Variants in PCDHA7 observed in about 807,000 individuals in gnomAD.
PCDHA7 encodes the protein protocadherin alpha 7.
A neutral mutation model predicts 57.2 loss-of-function variants in PCDHA7; 37 were observed. The observed-to-expected ratio is 0.65, with a 90% CI of 0.50 to 0.85. The LOEUF (loss-of-function observed/expected upper bound fraction) is 0.85. Ranked by LOEUF, PCDHA7 falls within the 40% of genes least tolerant of loss-of-function variation. The pLI, the probability that PCDHA7 is intolerant of heterozygous loss-of-function variation, is 0.00. For synonymous variants in PCDHA7, 553 were observed against 558.8 expected (o/e 0.99, Z 0.15); for missense variants, 1,188 against 1,241.8 (o/e 0.96, Z 0.65).
At chr5:140,971,958 C>G (rs2096508715) in intron 1 of PCDHA7, among the ~76,000 whole-genome samples, 1 of 152,054 alleles carries the variant, frequency 6.6e-6, no homozygotes, top group Non-Finnish European at 1.5e-5. Context: ...ACTCCAAAAA[C>G]TTTTTTTCAA....
At chr5:140,885,179 C>T (rs972760379) in intron 1 of PCDHA7, among the ~76,000 whole-genome samples, 37 of 152,232 alleles carry the variant, frequency 2.4e-4, no homozygotes, top group African/African-American at 8.9e-4. Flanking sequence ...CCTCTAGGCA[C>T]ATCAGTGTTC....
chr5:140,906,720 G>A (rs2072884338), intron 1 of PCDHA7, among the ~76,000 whole-genome samples: 1 of 152,182 alleles, frequency 6.6e-6, no homozygotes, highest in African/African-American at 2.4e-5. Context: ...CCTGGATTGT[G>A]CTGTTGTAGT....
intron 1 of PCDHA7, among the ~76,000 whole-genome samples, chr5:140,890,883 G>T (rs1339331273): frequency 1.3e-5 from 2 of 152,064 alleles, no homozygotes; most frequent in Non-Finnish European, 2.9e-5. Flanking sequence ...CCTTTCATCA[G>T]GGATTATTGT....
At chr5:140,991,214 A>G (rs922136535) in intron 3 of PCDHA7, among the ~76,000 whole-genome samples, 4 of 152,202 alleles carry the variant, frequency 2.6e-5, no homozygotes, top group Non-Finnish European at 4.4e-5. Context: ...AATTTTGTTA[A>G]ATTCATTAAT....
intron 1 of PCDHA7, chr5:140,876,776 T>C: frequency 1.2e-6 from 2 of 1,614,212 alleles, no homozygotes; most frequent in Non-Finnish European, 1.7e-6. Context: ...TCGCCTTCGC[T>C]GTGGGCCACG....
At chr5:140,935,374 T>A (rs2090335210) in intron 1 of PCDHA7, among the ~76,000 whole-genome samples, 1 of 152,248 alleles carries the variant, frequency 6.6e-6, no homozygotes. Flanking sequence ...GTCAACAGAA[T>A]TACTCATTTG....
intron 1 of PCDHA7, chr5:140,851,117 T>G: frequency 7.7e-7 from 1 of 1,306,460 alleles, no homozygotes; most frequent in Non-Finnish European, 9.9e-7. Flanking sequence ...TGAATCAATT[T>G]TATTTAAATT....
intron 1 of PCDHA7, among the ~76,000 whole-genome samples, chr5:140,937,247 C>T (rs1370735573): frequency 6.6e-6 from 1 of 151,974 alleles, no homozygotes; most frequent in Non-Finnish European, 1.5e-5. Context: ...CCGTGTTAGC[C>T]AGGATGGTCT....
intron 1 of PCDHA7, chr5:140,862,170 GC>G (rs2047237372): frequency 6.1e-6 from 1 of 164,918 alleles, no homozygotes; most frequent in Non-Finnish European, 1.3e-5. Flanking sequence ...TCAAATACAG[GC>G]AGTTGACACA....
intron 1 of PCDHA7, chr5:140,851,333 T>C: frequency 5.1e-6 from 5 of 974,938 alleles, no homozygotes; most frequent in Non-Finnish European, 6.3e-6. Flanking sequence ...TTTGTAGTTC[T>C]CTACATTTCT....
At chr5:140,980,713 C>T (rs1034858406) in intron 2 of PCDHA7, among the ~76,000 whole-genome samples, 2 of 151,366 alleles carry the variant, frequency 1.3e-5, no homozygotes, top group Non-Finnish European at 2.9e-5. Flanking sequence ...TGCTCCTATT[C>T]GGGTTTCAAT....
At chr5:140,859,490 G>A (rs2045887766) in intron 1 of PCDHA7, 1 of 204,502 alleles carries the variant, frequency 4.9e-6, no homozygotes, top group Non-Finnish European at 9.6e-6. Context: ...CCTGAAATTG[G>A]TTGTTACCTG....
chr5:140,850,185 G>A (rs2150471887), intron 1 of PCDHA7: 2 of 1,593,890 alleles, frequency 1.3e-6, no homozygotes, highest in South Asian at 1.1e-5. Context: ...CAATGCGCCG[G>A]CGCTGCTGAC....
chr5:140,848,535 C>G (rs2150412209), intron 1 of PCDHA7: 2 of 1,595,366 alleles, frequency 1.3e-6, no homozygotes, highest in South Asian at 2.2e-5. Context: ...GGGTCAGCCT[C>G]TACTGCTCTC....
At position 140,850,636 on chromosome 5, in the gene PCDHA7, C is replaced by T. The variant is rs2150491740; in HGVS notation, c.2355+13898C>T. The T allele has an allele frequency of 8.1e-6, 13 of 1,598,538 alleles. 2 individuals are homozygous for T. The highest frequency in any genetic ancestry group is 6.7e-5 in the Admixed American group (4 of 59,320). Reference sequence around the variant, plus strand: ...GCGGTGTCTAGCCTGTTGGTTCTCACGCTGCTGCTGTACACTGTGCTGCGG... The same window carrying T: ...GCGGTGTCTAGCCTGTTGGTTCTCATGCTGCTGCTGTACACTGTGCTGCGG... On this transcript the variant is annotated intron_variant, in intron 1 of 3. Transcript: ENST00000525929.
intron 3 of PCDHA7, among the ~76,000 whole-genome samples, chr5:140,985,145 G>A (rs2097138679): frequency 6.6e-6 from 1 of 152,080 alleles, no homozygotes; most frequent in South Asian, 2.1e-4. Context: ...CACCGTGTTA[G>A]CCAGGATTGT....
chr5:140,856,885 AT>A lies in PCDHA7; in HGVS notation c.2355+20150del, dbSNP rs781799139. 34 of 1,596,494 alleles carry A rather than the reference AT, an allele frequency of 2.1e-5. 3 individuals carry two copies. Among genetic ancestry groups the A allele is most frequent in the Non-Finnish European group, 2.9e-5 (34 of 1,166,312 alleles). ...GAATAAACAAGGAAATGATGTATTC[AT>A]TTAGCTCTTTGGTCCCACCCACGAT... On this transcript the variant is annotated intron_variant, in intron 1 of 3. Transcript: ENST00000525929.
rs2150359087 is a variant in PCDHA7, at chr5:140,843,393, C to A, written c.2355+6655C>A. 46 of 1,596,052 alleles carry A rather than the reference C, an allele frequency of 2.9e-5. 2 individuals are homozygous for A. The highest frequency in any genetic ancestry group is 4.4e-5 in the South Asian group (4 of 90,510). ...TCGGCTGGCGTTTTGGGTCCGGAAG[C>A]GGCGCTGGTGGATGTCAACGTGTAC... On this transcript the variant is annotated intron_variant, in intron 1 of 3. Transcript: ENST00000525929.
At chr5:140,925,971 A>C (rs2082843743) in intron 1 of PCDHA7, among the ~76,000 whole-genome samples, 1 of 152,190 alleles carries the variant, frequency 6.6e-6, no homozygotes, top group African/African-American at 2.4e-5. Flanking sequence ...ACGCAAAAAA[A>C]AAGCCTTGAG....
Sources: gnomAD v4.1 joint callset for allele counts (sites outside exome capture counted in the v4.1 genomes callset) on GRCh38, gnomAD v4.1.1 for gene constraint, MANE v1.5 for transcripts, NCBI Gene and HGNC (gene_info 2026-07-23, HGNC 2026-07-21) for gene names.